The following PPHLN1 variants were observed in gnomAD, a reference collection of about 807,000 sequenced individuals.
PPHLN1 encodes periphilin 1.
Under a neutral mutation model 51.3 loss-of-function variants are expected in PPHLN1, and 29 were observed. That is an observed-to-expected ratio of 0.57 (90% CI 0.42 to 0.77). The LOEUF (loss-of-function observed/expected upper bound fraction) is 0.77. Among genes scored for constraint, PPHLN1 ranks in the 30% least tolerant of loss-of-function variants. PPHLN1 has a pLI of 0.00. For missense variants in PPHLN1, 436 were observed against 438.4 expected (o/e 0.99, Z 0.05); for synonymous variants, 147 against 147.8 (o/e 0.99, Z 0.04).
intron 2 of PPHLN1, among the ~76,000 whole-genome samples, chr12:42,340,311 C>CA (rs201722204): frequency 0.24 from 18,246 of 77,032 alleles, 1,379 homozygotes; most frequent in East Asian, 0.29. Context: ...GATCCTGTCT[C>CA]AAAAAAAAAA....
downstream of PPHLN1, chr12:42,446,296 G>T: frequency 6.4e-7 from 1 of 1,569,758 alleles, no homozygotes. Context: ...GCAAGGTATT[G>T]GTCCTTTTTA....
At chr12:42,373,396 A>G (rs1281880406) in intron 4 of PPHLN1, among the ~76,000 whole-genome samples, 2 of 152,176 alleles carry the variant, frequency 1.3e-5, no homozygotes, top group Non-Finnish European at 2.9e-5. Context: ...TTCCCAGGGA[A>G]ACTTACTTGT....
downstream of PPHLN1, chr12:42,446,846 A>G (rs2083346826): frequency 4.3e-6 from 2 of 462,642 alleles, no homozygotes; most frequent in Admixed American, 3.4e-5. Flanking sequence ...GAGGGCGAAC[A>G]GTAGGTAGCA....
intron 9 of PPHLN1, among the ~76,000 whole-genome samples, chr12:42,409,107 A>G (rs945024883): frequency 6.6e-6 from 1 of 152,182 alleles, no homozygotes; most frequent in African/African-American, 2.4e-5. Context: ...CTCTCAAAAT[A>G]TCTTATTGTA....
intron 9 of PPHLN1, chr12:42,400,481 A>AAAAG (rs2078714068): frequency 6.6e-6 from 1 of 151,990 alleles, no homozygotes; most frequent in Admixed American, 6.6e-5. Context: ...AAAAAAAAAA[A>AAAAG]AAAAGAAATA....
chr12:42,382,797 A>C (rs1592592550), intron 5 of PPHLN1, among the ~76,000 whole-genome samples: 1 of 152,206 alleles, frequency 6.6e-6, no homozygotes, highest in Admixed American at 6.5e-5. Flanking sequence ...AACAAATAGC[A>C]AAATATTAAG....
Position 42,352,055 on chromosome 12 carries a change from T to C in PPHLN1, c.237+6T>C, listed in dbSNP as rs770990279. ...GTGGTCCACCTCACAGAGGAGTATG[T>C]AAATTTCCCCCATGTACTAATTGTT... On this transcript the variant is annotated splice_donor_region_variant and intron_variant, in intron 3 of 9. Transcript: ENST00000358314. 2.1e-6 allele frequency: 3 copies of C among 1,457,654 alleles called. No homozygotes were observed. The highest frequency in any genetic ancestry group is 2.7e-6 in the Non-Finnish European group (3 of 1,105,308). 90.3% of individuals were successfully genotyped at this position (1,457,654 alleles called of 1,614,324 possible).
At chr12:42,330,788 CA>C (rs2069603300) in intron 1 of PPHLN1, among the ~76,000 whole-genome samples, 1 of 152,176 alleles carries the variant, frequency 6.6e-6, no homozygotes, top group Non-Finnish European at 1.5e-5. Context: ...TGGCTCGCTG[CA>C]ACCTTCGCCT....
At position 42,401,615 on chromosome 12, in the gene PPHLN1, G is replaced by A. The variant is rs566113397; in HGVS notation, c.909+2621G>A. On this transcript the variant is annotated intron_variant, in intron 9 of 9. Transcript: ENST00000358314. Reference sequence around the variant, plus strand: ...GTCACAGAAGCGCAGACCCTATTGTGAACTGCAGACACGAGGGATCTAGGT... The same window carrying A: ...GTCACAGAAGCGCAGACCCTATTGTAAACTGCAGACACGAGGGATCTAGGT... 3.9e-5 allele frequency among the ~76,000 whole-genome samples: 6 copies of A among 152,128 alleles called. No individual in the cohort carries two copies. The South Asian group carries it at 1.2e-3, about 32-fold the overall frequency.
At chr12:42,422,140 A>G (rs2081062396) in intron 9 of PPHLN1, among the ~76,000 whole-genome samples, 1 of 152,206 alleles carries the variant, frequency 6.6e-6, no homozygotes, top group Non-Finnish European at 1.5e-5. Context: ...AAATACTACA[A>G]TAATTTAGCA....
chr12:42,369,016 C>T (rs2075549999), intron 4 of PPHLN1, among the ~76,000 whole-genome samples: 1 of 152,190 alleles, frequency 6.6e-6, no homozygotes, highest in South Asian at 2.1e-4. Flanking sequence ...TAGGCCAAAT[C>T]TGGTCAGCTG....
intron 8 of PPHLN1, among the ~76,000 whole-genome samples, chr12:42,394,044 TTG>T (rs145252287): frequency 1.2e-3 from 178 of 152,210 alleles, no homozygotes; most frequent in African/African-American, 4.2e-3. Context: ...GAAATCTAAT[TTG>T]ACCTTGGATT....
chr12:42,403,394 A>G (rs1181351184), intron 9 of PPHLN1, among the ~76,000 whole-genome samples: 4 of 152,236 alleles, frequency 2.6e-5, no homozygotes, highest in Non-Finnish European at 4.4e-5. Context: ...ATTTTGACCA[A>G]ATTTCAAAGA....
At position 42,385,009 on chromosome 12, in the gene PPHLN1, C is replaced by T. The variant is rs953129088; in HGVS notation, c.568+13C>T. 6.3e-6 allele frequency: 10 copies of T among 1,595,910 alleles called. No homozygotes were observed. Among genetic ancestry groups the T allele is most frequent in the African/African-American group, 1.3e-5 (1 of 74,500 alleles). The stretch of plus-strand genomic sequence containing the variant: ...AATCCTGAAAGAGGTGAGTTTTGAG[C>T]TAGACTCTGATTTGGGATTGTGAAG... On this transcript the variant is annotated intron_variant, in intron 6 of 9. Coordinates refer to ENST00000358314, the MANE Select transcript of PPHLN1 (RefSeq NM_201439.2).
rs552015401 is a variant in PPHLN1 at position 42,365,026 on chromosome 12, A to G, written c.299+9804A>G. Among the ~76,000 whole-genome samples, 136 of 152,292 alleles carry G rather than the reference A, an allele frequency of 8.9e-4. 1 individual carries two copies. The highest frequency in any genetic ancestry group is 3.1e-3 in the African/African-American group (127 of 41,556). ...GAATGCTTTTAACTGTAAACATGTG[A>G]TTTTGTGGAAACAGCCTTGAACTTG... On this transcript the variant is annotated intron_variant, in intron 4 of 9. Coordinates refer to ENST00000358314, the MANE Select transcript of PPHLN1 (RefSeq NM_201439.2).
At chr12:42,431,726 C>T (rs184536494) in intron 9 of PPHLN1, 2 of 1,071,800 alleles carry the variant, frequency 1.9e-6, no homozygotes, top group African/African-American at 3.1e-5. Flanking sequence ...AGGTATTAAT[C>T]TTTTCTTCTC....
At chr12:42,444,029 G>C (rs1258605754), downstream of PPHLN1, 1 of 152,186 alleles carries the variant, frequency 6.6e-6, no homozygotes, top group Non-Finnish European at 1.5e-5. Context: ...CTAGTTGCAA[G>C]ATTATTCATT....
intron 9 of PPHLN1, among the ~76,000 whole-genome samples, chr12:42,408,452 T>A (rs998724218): frequency 1.3e-5 from 2 of 152,008 alleles, no homozygotes; most frequent in Non-Finnish European, 2.9e-5. Context: ...TAGATTCTAG[T>A]GCATCCACAC....
chr12:42,404,510 CAA>C (rs945848430), intron 9 of PPHLN1, among the ~76,000 whole-genome samples: 1 of 129,958 alleles, frequency 7.7e-6, no homozygotes, highest in Non-Finnish European at 1.6e-5. Context: ...GCCTGGGCAA[CAA>C]GAGCAAAACT....
Sources: allele counts gnomAD v4.1 joint callset (sites outside exome capture counted in the v4.1 genomes callset), GRCh38; gene constraint gnomAD v4.1.1; transcripts MANE v1.5; gene names NCBI Gene and HGNC (gene_info 2026-07-23, HGNC 2026-07-21).